Variants in MED13L observed in about 807,000 individuals in gnomAD.
The protein encoded by MED13L is mediator of RNA polymerase II transcription subunit 13-like.
A neutral mutation model predicts 220.9 loss-of-function variants in MED13L; 7 were observed. That is an observed-to-expected ratio of 0.03 (90% CI 0.02 to 0.06). The LOEUF (loss-of-function observed/expected upper bound fraction) is 0.06, where lower values mean the gene tolerates loss of function less well. MED13L is among the 10% of genes least tolerant of loss of function. The pLI is 1.00. For missense variants in MED13L, 1,965 were observed against 2,760.5 expected (o/e 0.71, Z 6.46); for synonymous variants, 1,011 against 1,015.2 (o/e 1.00, Z 0.08).
chr12:115,963,600 G>T, intron 29 of MED13L, 81 bp from the exon 30 acceptor site: 1 of 1,049,740 alleles, frequency 9.5e-7, no homozygotes, highest in Non-Finnish European at 1.5e-6. Context: ...TCTGCCAGAA[G>T]CAGATGCTCC....
intron 23 of MED13L, among the ~76,000 whole-genome samples, chr12:115,978,783 G>A (rs1402581421): frequency 2.0e-5 from 3 of 152,166 alleles, no homozygotes; most frequent in African/African-American, 7.2e-5. Context: ...GATAGCATCT[G>A]AAAACACTAA....
In MED13L at chr12:115,958,602, T is replaced by TA. The variant is rs35559573; in HGVS notation, c.*2663dup. The TA allele has an allele frequency of 6.6e-6, 1 of 152,186 alleles. No homozygotes were observed. Among genetic ancestry groups the TA allele is most frequent in the Non-Finnish European group, 1.5e-5 (1 of 68,030 alleles). The allele number at this position is 152,186 out of a possible 1,614,324, so 9.4% of individuals were successfully genotyped here. On this transcript the variant is annotated 3_prime_UTR_variant, in exon 31 of 31. Transcript: ENST00000281928. ...TCAGTAATTCAATAATTTATTCCTC[T>TA]AAAAAAGTGTGTAAAAGTATATAGC...
chr12:116,230,532 C>A, intron 2 of MED13L: 1 of 966,116 alleles, frequency 1.0e-6, no homozygotes, highest in Non-Finnish European at 1.2e-6. Flanking sequence ...GAATTCCATA[C>A]CTGAAAAATA....
chr12:115,970,307 T>G (rs1452263582), intron 27 of MED13L, among the ~76,000 whole-genome samples: 1 of 152,170 alleles, frequency 6.6e-6, no homozygotes, highest in Non-Finnish European at 1.5e-5. Context: ...ATTGAAAGAG[T>G]GGCACCTAAG....
At chr12:116,078,841 T>C (rs948344019) in intron 4 of MED13L, among the ~76,000 whole-genome samples, 1 of 152,192 alleles carries the variant, frequency 6.6e-6, no homozygotes, top group African/African-American at 2.4e-5. Flanking sequence ...ATATGTATCC[T>C]AGAGCAAAAG....
intron 1 of MED13L, among the ~76,000 whole-genome samples, chr12:116,265,242 G>C (rs1872748628): frequency 6.6e-6 from 1 of 152,166 alleles, no homozygotes; most frequent in Non-Finnish European, 1.5e-5. Flanking sequence ...AAGCAAATTA[G>C]ATTGTCTATT....
intron 17 of MED13L, among the ~76,000 whole-genome samples, chr12:115,988,886 T>C (rs755502800): frequency 5.9e-5 from 9 of 152,190 alleles, no homozygotes; most frequent in Non-Finnish European, 1.3e-4. Context: ...TCCACATTTC[T>C]TTAGGGGAAA....
chr12:116,164,203 T>A (rs534123157), intron 2 of MED13L, among the ~76,000 whole-genome samples: 111 of 152,262 alleles, frequency 7.3e-4, no homozygotes, highest in African/African-American at 2.6e-3. Context: ...CCAAGACACA[T>A]GAAAGTGCAT....
intron 2 of MED13L, among the ~76,000 whole-genome samples, chr12:116,125,780 A>G (rs960957983): frequency 1.3e-5 from 2 of 152,238 alleles, no homozygotes; most frequent in African/African-American, 4.8e-5. Flanking sequence ...TCATCAGTAT[A>G]AAACATGTCA....
intron 11 of MED13L, 126 bp from the exon 12 acceptor site, chr12:116,006,537 G>A (rs1879057652): frequency 8.9e-6 from 7 of 790,186 alleles, no homozygotes; most frequent in Non-Finnish European, 4.4e-6. Context: ...ATAAACCATG[G>A]TCTATGCAAC....
intron 1 of MED13L, among the ~76,000 whole-genome samples, chr12:116,246,345 T>C (rs1453733314): frequency 2.0e-5 from 3 of 151,692 alleles, no homozygotes; most frequent in Non-Finnish European, 4.4e-5. Context: ...TCATAACGAA[T>C]GATGACTCCA....
At chr12:116,123,660 T>C (rs2137965749) in intron 2 of MED13L, among the ~76,000 whole-genome samples, 1 of 152,220 alleles carries the variant, frequency 6.6e-6, no homozygotes, top group East Asian at 1.9e-4. Context: ...GCTCAAACAG[T>C]TGTCTGTCAC....
chr12:116,172,986 C>T (rs1879791162), intron 2 of MED13L, among the ~76,000 whole-genome samples: 1 of 148,526 alleles, frequency 6.7e-6, no homozygotes, highest in African/African-American at 2.5e-5. Flanking sequence ...AAAGTTGTCA[C>T]TCCCAGTCCA....
intron 4 of MED13L, among the ~76,000 whole-genome samples, chr12:116,059,688 G>A (rs976334375): frequency 6.6e-6 from 1 of 151,984 alleles, no homozygotes; most frequent in Non-Finnish European, 1.5e-5. Context: ...GAAGTGTTGG[G>A]ATTACAGGTG....
intron 5 of MED13L, 149 bp downstream of exon 5, chr12:116,022,307 T>C (rs1451792052): frequency 1.1e-6 from 1 of 919,064 alleles, no homozygotes; most frequent in Non-Finnish European, 1.7e-6. Context: ...GAAATGGTAG[T>C]CTTTTCTTCC....
chr12:116,129,727 A>G (rs1460818896), intron 2 of MED13L, among the ~76,000 whole-genome samples: 1 of 152,022 alleles, frequency 6.6e-6, no homozygotes. Flanking sequence ...TGGCCAACAT[A>G]GTGAAACCCC....
In MED13L at chr12:116,060,046, C is replaced by T. The variant is rs146013695; in HGVS notation, c.479+36623G>A. Among the ~76,000 whole-genome samples the T allele has an allele frequency of 3.5e-3, 538 of 152,196 alleles. 5 individuals are homozygous for T. The highest frequency in any genetic ancestry group is 5.6e-3 in the Non-Finnish European group (380 of 67,998). On this transcript the variant is annotated intron_variant, in intron 4 of 30. Coordinates refer to ENST00000281928, the MANE Select transcript of MED13L (RefSeq NM_015335.5). ...TGCAGGGCAAAAAAACCCTCTAATA[C>T]TAGAGGTGCAGTATGCAGTTTCACT...
chr12:116,186,741 G>C (rs1186037430), intron 2 of MED13L, among the ~76,000 whole-genome samples: 1 of 152,152 alleles, frequency 6.6e-6, no homozygotes, highest in African/African-American at 2.4e-5. Context: ...TGGAGCAAAA[G>C]GTCAAAACCT....
intron 3 of MED13L, among the ~76,000 whole-genome samples, chr12:116,109,517 CATG>C (rs1401585237): frequency 6.6e-6 from 1 of 151,892 alleles, no homozygotes; most frequent in Non-Finnish European, 1.5e-5. Flanking sequence ...AGGAATAAAT[CATG>C]ATATTAAAAA....
Sources: allele counts gnomAD v4.1 joint callset (sites outside exome capture counted in the v4.1 genomes callset), GRCh38; gene constraint gnomAD v4.1.1; transcripts MANE v1.5; gene names NCBI Gene and HGNC (gene_info 2026-07-23, HGNC 2026-07-21).